Variants in SCMH1 observed in about 807,000 individuals in gnomAD.
SCMH1 encodes the protein Scm polycomb group protein homolog 1, also known as polycomb protein SCMH1.
Under a neutral mutation model 70.8 loss-of-function variants are expected in SCMH1, and 37 were observed. The ratio of observed to expected loss-of-function variants is 0.52; its 90% CI spans 0.40 to 0.69. The LOEUF is 0.69. Ranked by LOEUF, SCMH1 falls within the 30% of genes least tolerant of loss-of-function variation. The probability of loss-of-function intolerance (pLI) is 0.00; values close to 1 mark genes in which losing one functional copy is unlikely to be tolerated. For synonymous variants in SCMH1, 292 were observed against 307.4 expected, an observed-to-expected ratio of 0.95 and a Z score of 0.52; for missense variants, 607 against 827.3, an observed-to-expected ratio of 0.73 and a Z score of 3.27.
chr1:41,082,127 GATTT>G, intron 8 of SCMH1, among the ~76,000 whole-genome samples: 1 of 151,650 alleles, frequency 6.6e-6, no homozygotes, highest in East Asian at 2.0e-4. Context: ...GGCGGCCAAA[GATTT>G]ATTAAAACAG....
intron 9 of SCMH1, 110 bp downstream of exon 9, chr1:41,075,109 G>C: frequency 1.0e-6 from 1 of 984,204 alleles, no homozygotes; most frequent in East Asian, 2.4e-5. Flanking sequence ...TGATCCGCCC[G>C]CCTCGGCCTC....
intron 10 of SCMH1, among the ~76,000 whole-genome samples, chr1:41,060,344 A>G (rs977459747): frequency 3.9e-5 from 6 of 152,130 alleles, no homozygotes; most frequent in Non-Finnish European, 7.4e-5. Context: ...ATTATATCTA[A>G]TGTCTCATAA....
At chr1:41,208,546 A>C (rs1656207990) in intron 1 of SCMH1, among the ~76,000 whole-genome samples, 1 of 152,220 alleles carries the variant, frequency 6.6e-6, no homozygotes, top group African/African-American at 2.4e-5. Flanking sequence ...CCACAGTGTA[A>C]TCAAATTAGA....
At chr1:41,032,603 T>C (rs1253231029) in intron 13 of SCMH1, among the ~76,000 whole-genome samples, 1 of 152,160 alleles carries the variant, frequency 6.6e-6, no homozygotes, top group Non-Finnish European at 1.5e-5. Flanking sequence ...AGGAGTTACA[T>C]GAACCAACTT....
At chr1:41,042,815 A>C (rs1007823953) in intron 12 of SCMH1, among the ~76,000 whole-genome samples, 3 of 152,224 alleles carry the variant, frequency 2.0e-5, no homozygotes, top group African/African-American at 7.2e-5. Context: ...TCTAGTATAG[A>C]ATCGGGCACA....
intron 10 of SCMH1, among the ~76,000 whole-genome samples, chr1:41,067,941 T>G (rs1655233911): frequency 6.6e-6 from 1 of 152,164 alleles, no homozygotes; most frequent in South Asian, 2.1e-4. Flanking sequence ...CCACTCAATT[T>G]TGCTGTGAAT....
At chr1:41,230,416 G>A (rs1443680866) in intron 1 of SCMH1, among the ~76,000 whole-genome samples, 1 of 152,158 alleles carries the variant, frequency 6.6e-6, no homozygotes, top group East Asian at 1.9e-4. Flanking sequence ...CACTTCAGGA[G>A]GCTGAGGCGG....
chr1:41,182,263 T>C (rs576111303), intron 2 of SCMH1, among the ~76,000 whole-genome samples: 5 of 152,290 alleles, frequency 3.3e-5, no homozygotes, highest in Admixed American at 1.3e-4. Context: ...GACGAGTTAA[T>C]GGGTGCAGCA....
chr1:41,213,670 T>C (rs1423219232), intron 1 of SCMH1, among the ~76,000 whole-genome samples: 3 of 152,196 alleles, frequency 2.0e-5, no homozygotes, highest in Non-Finnish European at 4.4e-5. Flanking sequence ...TGCTCCCCAA[T>C]TATCTACTTC....
intron 6 of SCMH1, among the ~76,000 whole-genome samples, chr1:41,127,218 T>C (rs1455389785): frequency 3.3e-5 from 5 of 152,224 alleles, no homozygotes; most frequent in Admixed American, 2.6e-4. Context: ...AAAATTTTTC[T>C]ATTTTTCTAT....
intron 6 of SCMH1, among the ~76,000 whole-genome samples, chr1:41,124,703 GCTCAGGT>G (rs763691671): frequency 9.1e-4 from 139 of 151,962 alleles, no homozygotes; most frequent in Admixed American, 2.6e-3. Context: ...CAACTCCTGG[GCTCAGGT>G]GATCCCCCTG....
intron 2 of SCMH1, among the ~76,000 whole-genome samples, chr1:41,177,275 C>T (rs1397522727): frequency 6.6e-6 from 1 of 152,130 alleles, no homozygotes; most frequent in Non-Finnish European, 1.5e-5. Flanking sequence ...GTAGATAAAA[C>T]CACAAAGATG....
intron 8 of SCMH1, among the ~76,000 whole-genome samples, chr1:41,081,359 T>TA (rs1659962238): frequency 1.3e-5 from 2 of 152,188 alleles, no homozygotes; most frequent in African/African-American, 4.8e-5. Flanking sequence ...CAGCAGTTTC[T>TA]AAAAAATGTG....
Position 41,084,132 on chromosome 1 carries a change from A to T in SCMH1, c.746-8681T>A, listed in dbSNP as rs1189156762. 2.0e-5 allele frequency among the ~76,000 whole-genome samples: 3 copies of T among 152,202 alleles called. No homozygotes were observed. In the South Asian group the frequency reaches 6.2e-4, roughly 32 times the overall value. ...AAAGCCAAAATTGACAAGTGGGATCAAATTAAACTAAAGAGCTTCTGCACA... is the reference window on the plus strand; with the variant it reads ...AAAGCCAAAATTGACAAGTGGGATCTAATTAAACTAAAGAGCTTCTGCACA... On this transcript the variant is annotated intron_variant, in intron 8 of 14. Coordinates refer to ENST00000337495, the Ensembl canonical transcript of SCMH1.
At chr1:41,201,778 G>A (rs1654410238) in intron 1 of SCMH1, among the ~76,000 whole-genome samples, 1 of 152,100 alleles carries the variant, frequency 6.6e-6, no homozygotes, top group Non-Finnish European at 1.5e-5. Context: ...ATTTGGCTAA[G>A]GGATATCATT....
chr1:41,036,233 C>T (rs1007157509), intron 13 of SCMH1, among the ~76,000 whole-genome samples: 1 of 152,190 alleles, frequency 6.6e-6, no homozygotes, highest in African/African-American at 2.4e-5. Flanking sequence ...CAGCCCAGCA[C>T]TCTTCCCTGA....
At chr1:41,056,730 G>T (rs1394238152) in intron 10 of SCMH1, among the ~76,000 whole-genome samples, 2 of 152,238 alleles carry the variant, frequency 1.3e-5, no homozygotes, top group Non-Finnish European at 2.9e-5. Context: ...TGTACTTGAT[G>T]ACTTGTCAGA....
At chr1:41,241,276 G>T (rs1663462843) in intron 1 of SCMH1, among the ~76,000 whole-genome samples, 1 of 152,236 alleles carries the variant, frequency 6.6e-6, no homozygotes. Flanking sequence ...ATATTCCGGG[G>T]TTCACCCATC....
chr1:41,033,060 G>C (rs918872235), intron 13 of SCMH1, among the ~76,000 whole-genome samples: 1 of 152,024 alleles, frequency 6.6e-6, no homozygotes, highest in Non-Finnish European at 1.5e-5. Context: ...GGGAGGCTGA[G>C]GCAGGCAGAC....
Sources: gnomAD v4.1 joint callset for allele counts (sites outside exome capture counted in the v4.1 genomes callset) on GRCh38, gnomAD v4.1.1 for gene constraint, MANE v1.5 for transcripts, NCBI Gene and HGNC (gene_info 2026-07-23, HGNC 2026-07-21) for gene names.